PTPRT: variants seen among roughly 807,000 people sequenced by gnomAD.
PTPRT encodes the protein receptor-type tyrosine-protein phosphatase T.
Under a neutral mutation model 176.8 loss-of-function variants are expected in PTPRT, and 56 were observed. The ratio of observed to expected loss-of-function variants is 0.32; its 90% CI spans 0.26 to 0.40. PTPRT has a LOEUF of 0.40. Ranked by LOEUF, PTPRT falls within the 10% of genes least tolerant of loss-of-function variation. PTPRT has a pLI of 1.00. For synonymous variants in PTPRT, 783 were observed against 739.0 expected (o/e 1.06, Z -0.96); for missense variants, 1,540 against 1,908.2 (o/e 0.81, Z 3.60).
intron 6 of PTPRT, chr20:42,685,407 C>T (rs544809893): frequency 6.6e-6 from 1 of 152,180 alleles, no homozygotes; most frequent in African/African-American, 2.4e-5. Flanking sequence ...ACCCTCCTTT[C>T]TCAGATGTGA....
intron 1 of PTPRT, among the ~76,000 whole-genome samples, chr20:43,104,488 C>A (rs530352818): frequency 1.3e-5 from 2 of 152,312 alleles, no homozygotes; most frequent in East Asian, 3.9e-4. Flanking sequence ...CCCAGGCAAG[C>A]TATTTAACCC....
intron 24 of PTPRT, among the ~76,000 whole-genome samples, chr20:42,106,292 C>T (rs1986434235): frequency 1.3e-5 from 2 of 152,192 alleles, no homozygotes; most frequent in African/African-American, 4.8e-5. Context: ...TAAAGGTCTG[C>T]TTCTCCCTTG....
intron 9 of PTPRT, among the ~76,000 whole-genome samples, chr20:42,381,760 C>A (rs1157996471): frequency 1.3e-5 from 2 of 152,158 alleles, no homozygotes; most frequent in African/African-American, 4.8e-5. Flanking sequence ...CTTCACCTCT[C>A]TTTGGGTCTG....
chr20:42,390,745 G>A (rs2145669431), intron 9 of PTPRT, among the ~76,000 whole-genome samples: 1 of 152,258 alleles, frequency 6.6e-6, no homozygotes, highest in South Asian at 2.1e-4. Context: ...CTTTAAGAGA[G>A]ACCCTGGGCC....
intron 7 of PTPRT, among the ~76,000 whole-genome samples, chr20:42,538,156 C>G (rs1478280298): frequency 6.6e-6 from 1 of 151,906 alleles, no homozygotes; most frequent in Non-Finnish European, 1.5e-5. Flanking sequence ...AAAACAAATA[C>G]ACATCTGCTT....
intron 2 of PTPRT, among the ~76,000 whole-genome samples, chr20:42,794,464 T>C (rs1429386773): frequency 2.0e-5 from 3 of 152,154 alleles, no homozygotes; most frequent in Admixed American, 6.5e-5. Context: ...GATCCCCAGG[T>C]GATCGGCATG....
intron 9 of PTPRT, among the ~76,000 whole-genome samples, chr20:42,444,769 C>G (rs756302597): frequency 2.0e-5 from 3 of 152,098 alleles, no homozygotes; most frequent in Non-Finnish European, 4.4e-5. Flanking sequence ...GAATTTCTCT[C>G]TTGAAATTAC....
intron 6 of PTPRT, among the ~76,000 whole-genome samples, chr20:42,725,037 G>T (rs535985955): frequency 6.6e-6 from 1 of 151,644 alleles, no homozygotes; most frequent in East Asian, 1.9e-4. Context: ...GTGTGTGTGT[G>T]TGTGTTTGAG....
intron 1 of PTPRT, among the ~76,000 whole-genome samples, chr20:43,050,541 C>T (rs1408912389): frequency 6.6e-6 from 1 of 152,186 alleles, no homozygotes; most frequent in African/African-American, 2.4e-5. Context: ...TCTGCTCATA[C>T]CACAAGGTCC....
At chr20:42,154,939 T>A (rs536665245) in intron 17 of PTPRT, among the ~76,000 whole-genome samples, 1 of 152,150 alleles carries the variant, frequency 6.6e-6, no homozygotes, top group Non-Finnish European at 1.5e-5. Context: ...GAAGGGTATA[T>A]GGTTCAGAAT....
At chr20:42,696,410 A>G (rs900928510) in intron 6 of PTPRT, among the ~76,000 whole-genome samples, 5 of 151,330 alleles carry the variant, frequency 3.3e-5, no homozygotes, top group African/African-American at 1.2e-4. Context: ...CACATATTTA[A>G]GCCAACAACT....
intron 4 of PTPRT, among the ~76,000 whole-genome samples, chr20:42,771,871 G>T (rs150965419): frequency 1.3e-5 from 2 of 152,322 alleles, no homozygotes; most frequent in East Asian, 3.9e-4. Flanking sequence ...GAACCAGGAC[G>T]TGAATTTAGA....
At chr20:43,006,737 T>C (rs1292367907) in intron 1 of PTPRT, among the ~76,000 whole-genome samples, 1 of 152,224 alleles carries the variant, frequency 6.6e-6, no homozygotes, top group Non-Finnish European at 1.5e-5. Flanking sequence ...TTACTATTGG[T>C]CCTACAGGTC....
intron 7 of PTPRT, among the ~76,000 whole-genome samples, chr20:42,647,331 A>C (rs2074929138): frequency 2.0e-5 from 3 of 152,102 alleles, no homozygotes; most frequent in African/African-American, 7.2e-5. Context: ...TCCAGTCTCC[A>C]CTACAGTGTC....
chr20:42,618,249 C>T lies in PTPRT; in HGVS notation c.1153+59617G>A, dbSNP rs1406149889. ...GTTCAGTTTCCATGTCGTTGAGCGG[C>T]TTTGAGTGAGATTCTTAATCCTGAG... On this transcript the variant is annotated intron_variant, in intron 7 of 30. Coordinates refer to ENST00000373187, the MANE Select transcript of PTPRT (RefSeq NM_007050.6). Among the ~76,000 whole-genome samples, 7 of 128,208 alleles carry T rather than the reference C, an allele frequency of 5.5e-5. 1 individual carries two copies. Among genetic ancestry groups the T allele is most frequent in the South Asian group, 4.8e-4 (2 of 4,164 alleles). 84.1% of individuals were successfully genotyped at this position (128,208 alleles called of 152,430 possible). A position where few individuals can be genotyped will look rare whatever the true frequency, so the allele number is the denominator to read the frequency against.
intron 27 of PTPRT, among the ~76,000 whole-genome samples, chr20:42,093,603 G>T (rs1436714390): frequency 2.6e-5 from 4 of 152,172 alleles, no homozygotes; most frequent in African/African-American, 7.2e-5. Flanking sequence ...CTTACAGGTA[G>T]CCCTGCCCAA....
intron 9 of PTPRT, among the ~76,000 whole-genome samples, chr20:42,444,770 T>A (rs1168543362): frequency 6.6e-6 from 1 of 152,224 alleles, no homozygotes; most frequent in Non-Finnish European, 1.5e-5. Flanking sequence ...AATTTCTCTC[T>A]TGAAATTACA....
intron 11 of PTPRT, among the ~76,000 whole-genome samples, chr20:42,347,686 C>T (rs1250702648): frequency 2.6e-5 from 4 of 152,150 alleles, no homozygotes; most frequent in East Asian, 1.9e-4. Flanking sequence ...TCCCACATCA[C>T]GACATTGCAA....
intron 6 of PTPRT, among the ~76,000 whole-genome samples, chr20:42,725,332 T>C (rs979892911): frequency 6.6e-6 from 1 of 151,768 alleles, no homozygotes; most frequent in South Asian, 2.1e-4. Flanking sequence ...GAAACAAACA[T>C]GCTGTAAAGG....
Sources: allele counts gnomAD v4.1 joint callset (sites outside exome capture counted in the v4.1 genomes callset), GRCh38; gene constraint gnomAD v4.1.1; transcripts MANE v1.5; gene names NCBI Gene and HGNC (gene_info 2026-07-23, HGNC 2026-07-21).